The following SLC26A7 variants were observed in gnomAD, a reference collection of about 807,000 sequenced individuals.
The protein encoded by SLC26A7 is anion exchange transporter.
In SLC26A7, 59 loss-of-function variants were observed where a neutral mutation model predicts 82.5. The ratio of observed to expected loss-of-function variants is 0.72; its 90% CI spans 0.58 to 0.89. The LOEUF (loss-of-function observed/expected upper bound fraction) is 0.89, where lower values mean the gene tolerates loss of function less well. SLC26A7 is among the 40% of genes least tolerant of loss of function. The probability of loss-of-function intolerance (pLI) is 0.00; values close to 1 mark genes in which losing one functional copy is unlikely to be tolerated. For missense variants in SLC26A7, 820 were observed against 793.0 expected (o/e 1.03, Z -0.41); for synonymous variants, 271 against 274.3 (o/e 0.99, Z 0.12).
At chr8:91,271,874 G>A (rs1811282025) in intron 2 of SLC26A7, among the ~76,000 whole-genome samples, 1 of 152,134 alleles carries the variant, frequency 6.6e-6, no homozygotes, top group Non-Finnish European at 1.5e-5. Context: ...GATTACAGGC[G>A]TGAGCCACAG....
At chr8:91,209,710 G>A (rs1445523739) in intron 1 of SLC26A7, among the ~76,000 whole-genome samples, 1 of 152,084 alleles carries the variant, frequency 6.6e-6, no homozygotes, top group African/African-American at 2.4e-5. Flanking sequence ...CTGTGATTAG[G>A]TACTGCTACT....
chr8:91,298,173 T>TA (rs1812065948), intron 4 of SLC26A7, among the ~76,000 whole-genome samples: 2 of 152,118 alleles, frequency 1.3e-5, no homozygotes, highest in Non-Finnish European at 2.9e-5. Flanking sequence ...CTCCATGACT[T>TA]ATTAGGTGTG....
At chr8:91,379,156 C>A (rs1333869982) in intron 15 of SLC26A7, among the ~76,000 whole-genome samples, 2 of 151,986 alleles carry the variant, frequency 1.3e-5, no homozygotes, top group South Asian at 2.1e-4. Context: ...ATTAAAAATA[C>A]CTGTAGCAAG....
chr8:91,213,780 T>C (rs1400611674), intron 1 of SLC26A7, among the ~76,000 whole-genome samples: 1 of 152,210 alleles, frequency 6.6e-6, no homozygotes, highest in South Asian at 2.1e-4. Context: ...GAGAAGAAAG[T>C]AAACAGAATG....
At chr8:91,366,479 A>G (rs1298383177) in intron 13 of SLC26A7, 101 bp from the exon 14 acceptor site, 1 of 1,285,546 alleles carries the variant, frequency 7.8e-7, no homozygotes, top group Non-Finnish European at 1.1e-6. Flanking sequence ...AAAAATGTTA[A>G]TTGAGAGATT....
intron 4 of SLC26A7, among the ~76,000 whole-genome samples, chr8:91,308,050 T>C (rs1485968841): frequency 6.6e-6 from 1 of 152,164 alleles, no homozygotes; most frequent in African/African-American, 2.4e-5. Flanking sequence ...CCATCCAGGA[T>C]ACCACATTAC....
In SLC26A7 at chr8:91,340,510, G is replaced by A; in HGVS notation, c.985G>A (p.Gly329Arg). ...TGTGGCCTCACTGGCTCTTGCTCAA[G>A]GATCTGCCAAAAAATTCAAATATTC... ...GYVASLALAQ[G>R]SAKKFKYSID... The change falls in exon 8 of 19, where the codon GGA (glycine) becomes AGA (arginine). Residue 329 changes from glycine to arginine, a missense_variant. Transcript: ENST00000276609. The A allele has an allele frequency of 6.2e-7, 1 of 1,613,854 alleles. No homozygotes were observed. The highest frequency in any genetic ancestry group is 8.5e-7 in the Non-Finnish European group (1 of 1,179,904).
At chr8:91,384,914 T>C (rs10808635) in intron 15 of SLC26A7, among the ~76,000 whole-genome samples, 96,650 of 152,132 alleles carry the variant, frequency 0.64, 34,092 homozygotes, top group East Asian at 0.97. Context: ...AATCTGCTTT[T>C]CAATAGTTAA....
At chr8:91,304,703 A>G (rs1812256089) in intron 4 of SLC26A7, among the ~76,000 whole-genome samples, 1 of 152,204 alleles carries the variant, frequency 6.6e-6, no homozygotes, top group Non-Finnish European at 1.5e-5. Flanking sequence ...TAGTGTTGAC[A>G]AAGGAAGCAA....
At chr8:91,267,197 T>G (rs1005553416) in intron 2 of SLC26A7, among the ~76,000 whole-genome samples, 1 of 151,628 alleles carries the variant, frequency 6.6e-6, no homozygotes, top group Non-Finnish European at 1.5e-5. Context: ...ATATTGACAT[T>G]CCCCCCACCT....
intron 5 of SLC26A7, among the ~76,000 whole-genome samples, chr8:91,320,172 C>T (rs867065832): frequency 6.6e-6 from 1 of 152,106 alleles, no homozygotes; most frequent in South Asian, 2.1e-4. Flanking sequence ...AAGCAATTCT[C>T]CTGCCTCAGC....
At chr8:91,374,993 C>G (rs1372011782) in intron 15 of SLC26A7, among the ~76,000 whole-genome samples, 2 of 151,610 alleles carry the variant, frequency 1.3e-5, no homozygotes, top group Non-Finnish European at 2.9e-5. Flanking sequence ...CCTTCTTTGT[C>G]TTTCTTTCTT....
intron 2 of SLC26A7, among the ~76,000 whole-genome samples, chr8:91,281,249 T>A (rs1811564328): frequency 6.6e-6 from 1 of 152,246 alleles, no homozygotes; most frequent in African/African-American, 2.4e-5. Flanking sequence ...ATACAAAACA[T>A]AAGTCTGAGA....
At chr8:91,241,206 A>G (rs1481206134) in intron 2 of SLC26A7, among the ~76,000 whole-genome samples, 1 of 152,160 alleles carries the variant, frequency 6.6e-6, no homozygotes, top group Non-Finnish European at 1.5e-5. Flanking sequence ...AGTCATTAAA[A>G]ATGATATTCT....
intron 1 of SLC26A7, chr8:91,209,649 G>A (rs1336771259): frequency 5.3e-5 from 8 of 152,126 alleles, no homozygotes; most frequent in African/African-American, 1.9e-4. Flanking sequence ...AGCTAGTAAG[G>A]AGGATGTAAA....
chr8:91,386,646 C>T (rs16912693), intron 15 of SLC26A7, among the ~76,000 whole-genome samples: 7,957 of 152,152 alleles, frequency 0.052, 292 homozygotes, highest in African/African-American at 0.11. Flanking sequence ...CAGTGATATG[C>T]TGGTGAATAA....
At chr8:91,219,150 T>A in intron 2 of SLC26A7, 1 of 413,640 alleles carries the variant, frequency 2.4e-6, no homozygotes, top group Non-Finnish European at 4.3e-6. Context: ...ACGTTCCCAA[T>A]CTAAGCACTA....
At chr8:91,231,587 T>C (rs2130674526) in intron 2 of SLC26A7, among the ~76,000 whole-genome samples, 1 of 152,324 alleles carries the variant, frequency 6.6e-6, no homozygotes, top group East Asian at 1.9e-4. Context: ...TCTTTTCTTT[T>C]CTTTTCTTTT....
At chr8:91,276,422 C>T (rs538956248) in intron 2 of SLC26A7, among the ~76,000 whole-genome samples, 216 of 152,156 alleles carry the variant, frequency 1.4e-3, no homozygotes, top group African/African-American at 5.0e-3. Context: ...TTTAGTGTGG[C>T]GCTATGAGCC....
Sources: gnomAD v4.1 joint callset for allele counts (sites outside exome capture counted in the v4.1 genomes callset) on GRCh38, gnomAD v4.1.1 for gene constraint, MANE v1.5 for transcripts, NCBI Gene and HGNC (gene_info 2026-07-23, HGNC 2026-07-21) for gene names.